The following PREPL variants were observed in gnomAD, a reference collection of about 807,000 sequenced individuals.
PREPL encodes prolyl endopeptidase like.
A neutral mutation model predicts 70.6 loss-of-function variants in PREPL; 77 were observed. The observed-to-expected ratio is 1.09, with a 90% CI of 0.91 to 1.32. The LOEUF (loss-of-function observed/expected upper bound fraction) is 1.32, where lower values mean the gene tolerates loss of function less well. Among genes scored for constraint, PREPL ranks in the 40% most tolerant of loss-of-function variants. The pLI, the probability that PREPL is intolerant of heterozygous loss-of-function variation, is 0.00. For missense variants in PREPL, 1,002 were observed against 778.2 expected (o/e 1.29, Z -3.42); for synonymous variants, 315 against 264.8 (o/e 1.19, Z -1.84).
Position 44,321,405 on chromosome 2 carries a change from A to T in PREPL, c.1868T>A (p.Leu623His), listed in dbSNP as rs746165384. Reference protein sequence around the residue: ...QIKFLYEELGLDSTSVFEDLK... With the variant: ...QIKFLYEELGHDSTSVFEDLK... ...ATCCTCGAAAACACTGGTGCTGTCA[A>T]GTCCAAGTTCCTCGTACAGGAATTT... Residue 623 changes from leucine to histidine, a missense_variant, in exon 14 of 14, where the codon CTT becomes CAT. Leu to His is a moderately conservative substitution (Grantham distance 99, BLOSUM62 -3). Coordinates refer to ENST00000409411, the MANE Select transcript of PREPL (RefSeq NM_001171613.2). 66 of 1,613,202 alleles carry T rather than the reference A, an allele frequency of 4.1e-5. No homozygotes were observed. The highest frequency in any genetic ancestry group is 7.6e-6 in the Non-Finnish European group (9 of 1,179,390).
intron 11 of PREPL, 61 bp downstream of exon 11, chr2:44,323,200 GT>G (rs532989535): frequency 4.5e-4 from 578 of 1,293,386 alleles, no homozygotes; most frequent in Middle Eastern, 1.1e-3. Context: ...GCTTGGATAA[GT>G]TTTTTTTTTA....
At chr2:44,344,480 C>G (rs772639462) in intron 3 of PREPL, 40 bp downstream of exon 3, 92 of 1,340,982 alleles carry the variant, frequency 6.9e-5, no homozygotes, top group Non-Finnish European at 9.0e-5. Flanking sequence ...AATATGAAAT[C>G]TGAAAATTAG....
intron 1 of PREPL, among the ~76,000 whole-genome samples, chr2:44,358,837 A>C (rs1677338531): frequency 6.6e-6 from 1 of 152,190 alleles, no homozygotes; most frequent in South Asian, 2.1e-4. Context: ...AGAGAAATAA[A>C]ATACAATTCA....
Position 44,327,491 on chromosome 2 carries a change from A to C in PREPL, c.1263-563T>G, listed in dbSNP as rs1009073624. Among the ~76,000 whole-genome samples the C allele has an allele frequency of 3.3e-5, 5 of 152,308 alleles. No individual in the cohort carries two copies. The South Asian group carries it at 1.0e-3, about 32-fold the overall frequency. ...AAAAATTTGAGTTTCCAGAGGGCAA[A>C]GAAAAGGCATTAAGACACAGATACG... is the stretch of plus-strand genomic sequence containing the variant. On this transcript the variant is annotated intron_variant, in intron 9 of 13. Coordinates refer to ENST00000409411, the MANE Select transcript of PREPL (RefSeq NM_001171613.2).
chr2:44,349,506 T>A (rs1676178065), intron 1 of PREPL, among the ~76,000 whole-genome samples: 1 of 152,106 alleles, frequency 6.6e-6, no homozygotes, highest in African/African-American at 2.4e-5. Context: ...ATGAAGCATT[T>A]CAATTTAGGA....
chr2:44,352,237 C>A (rs1481116424), intron 1 of PREPL, among the ~76,000 whole-genome samples: 1 of 152,040 alleles, frequency 6.6e-6, no homozygotes, highest in African/African-American at 2.4e-5. Context: ...TCGCTTTTGA[C>A]CCACTTTGTA....
chr2:44,359,376 T>C (rs1677411314), intron 1 of PREPL: 3 of 826,866 alleles, frequency 3.6e-6, no homozygotes, highest in Admixed American at 2.7e-5. Context: ...ACTTGAAAAT[T>C]AGAAAAATCA....
At chr2:44,339,845 TTTC>T (rs1468193875) in intron 5 of PREPL, among the ~76,000 whole-genome samples, 1 of 152,132 alleles carries the variant, frequency 6.6e-6, no homozygotes, top group East Asian at 1.9e-4. Flanking sequence ...TTATTTTTAT[TTTC>T]TTCTTTCTCT....
intron 10 of PREPL, among the ~76,000 whole-genome samples, chr2:44,325,621 T>C (rs1314172169): frequency 6.6e-6 from 1 of 152,132 alleles, no homozygotes; most frequent in Non-Finnish European, 1.5e-5. Flanking sequence ...AAAGTCAAAA[T>C]CTAGTTGCTT....
chr2:44,339,509 TG>T, intron 5 of PREPL, 146 bp from the exon 6 acceptor site: 1 of 1,252,202 alleles, frequency 8.0e-7, no homozygotes. Flanking sequence ...GAATATCACT[TG>T]TAACTTTAAC....
chr2:44,343,686 G>C, intron 4 of PREPL, 59 bp downstream of exon 4: 1 of 1,492,248 alleles, frequency 6.7e-7, no homozygotes, highest in South Asian at 1.1e-5. Context: ...ACAAAAAAAT[G>C]TTTCAAAAGT....
rs1363141706 is a variant in PREPL at position 44,321,227 on chromosome 2, G to T, written c.*129C>A. 9.8e-6 allele frequency: 8 copies of T among 816,036 alleles called. No homozygotes were observed. The East Asian group carries it at 1.6e-4, about 17-fold the overall frequency. 50.5% of individuals were successfully genotyped at this position (816,036 alleles called of 1,614,324 possible). On this transcript the variant is annotated 3_prime_UTR_variant, in exon 14 of 14. Coordinates refer to ENST00000409411, the MANE Select transcript of PREPL (RefSeq NM_001171613.2). ...ATGTAGACTAAGCAAAATTTAGATGGAGAAGCACATTTTAAAAAATTAATA... is the reference window on the plus strand; with the variant it reads ...ATGTAGACTAAGCAAAATTTAGATGTAGAAGCACATTTTAAAAAATTAATA...
chr2:44,327,067 G>C (rs760569543), intron 9 of PREPL, 139 bp from the exon 10 acceptor site: 22 of 690,160 alleles, frequency 3.2e-5, no homozygotes, highest in Non-Finnish European at 5.0e-5. Flanking sequence ...AAGGTTGAGT[G>C]AAAACAAGGA....
Position 44,318,240 on chromosome 2 carries a change from G to A in PREPL, c.*3116C>T, listed in dbSNP as rs189301854. ...CAAGTAGCTGGGATTACAGGTGCAC[G>A]TCATTATGCCCGGGTAATTTCTGTA... On this transcript the variant is annotated 3_prime_UTR_variant, in exon 14 of 14. Transcript: ENST00000409411. 50 of 336,884 alleles carry A rather than the reference G, an allele frequency of 1.5e-4. No homozygotes were observed. The highest frequency in any genetic ancestry group is 6.9e-4 in the Middle Eastern group (1 of 1,440). 20.9% of individuals were successfully genotyped at this position (336,884 alleles called of 1,614,324 possible).
At chr2:44,353,553 A>C (rs1488290488) in intron 1 of PREPL, among the ~76,000 whole-genome samples, 1 of 151,886 alleles carries the variant, frequency 6.6e-6, no homozygotes, top group Non-Finnish European at 1.5e-5. Flanking sequence ...GCACCACTGC[A>C]CTCCAACCTG....
At chr2:44,352,292 T>TG (rs1192778573) in intron 1 of PREPL, among the ~76,000 whole-genome samples, 1 of 152,192 alleles carries the variant, frequency 6.6e-6, no homozygotes, top group Non-Finnish European at 1.5e-5. Context: ...GATGAGGACT[T>TG]GCTTGTGTCC....
chr2:44,321,550 C>A, intron 13 of PREPL, 105 bp from the exon 14 acceptor site: 1 of 1,510,130 alleles, frequency 6.6e-7, no homozygotes, highest in South Asian at 1.3e-5. Flanking sequence ...GTGAAGTCAG[C>A]AATTTATGGC....
chr2:44,322,393 T>C (rs1673063442), intron 12 of PREPL, among the ~76,000 whole-genome samples: 1 of 152,096 alleles, frequency 6.6e-6, no homozygotes, highest in African/African-American at 2.4e-5. Flanking sequence ...ATCTGTCTTT[T>C]AGAGATTCCC....
chr2:44,353,650 C>T (rs1034767138), intron 1 of PREPL, among the ~76,000 whole-genome samples: 1 of 151,630 alleles, frequency 6.6e-6, no homozygotes, highest in Non-Finnish European at 1.5e-5. Flanking sequence ...ATGTGTAGTA[C>T]TGGCATAACG....
Sources: gnomAD v4.1 joint callset for allele counts (sites outside exome capture counted in the v4.1 genomes callset) on GRCh38, gnomAD v4.1.1 for gene constraint, MANE v1.5 for transcripts, NCBI Gene and HGNC (gene_info 2026-07-23, HGNC 2026-07-21) for gene names.